ANO6: variants seen among roughly 807,000 people sequenced by gnomAD.
The protein encoded by ANO6 is anoctamin-6.
In ANO6, 106 loss-of-function variants were observed where a neutral mutation model predicts 117.5. The ratio of observed to expected loss-of-function variants is 0.90; its 90% CI spans 0.77 to 1.06. ANO6 has a LOEUF of 1.06. Among genes scored for constraint, ANO6 ranks in the 50% least tolerant of loss-of-function variants. The pLI is 0.00. For synonymous variants in ANO6, 367 were observed against 385.1 expected (o/e 0.95, Z 0.55); for missense variants, 955 against 1,121.1 (o/e 0.85, Z 2.12).
chr12:45,405,482 A>G (rs1414126466), intron 15 of ANO6, among the ~76,000 whole-genome samples: 2 of 152,224 alleles, frequency 1.3e-5, no homozygotes, highest in East Asian at 1.9e-4. Flanking sequence ...TTTGCCTTCA[A>G]ATTTCTCCCC....
intron 12 of ANO6, among the ~76,000 whole-genome samples, chr12:45,396,332 G>A (rs938410160): frequency 3.3e-5 from 5 of 152,080 alleles, no homozygotes; most frequent in South Asian, 2.1e-4. Flanking sequence ...ACTGCTCAAC[G>A]AAATAAAAGA....
chr12:45,217,940 T>C (rs1947341471), intron 1 of ANO6, among the ~76,000 whole-genome samples: 2 of 152,242 alleles, frequency 1.3e-5, no homozygotes, highest in Admixed American at 6.5e-5. Flanking sequence ...CAAGAGGCTC[T>C]GAGCTTTGTT....
At chr12:45,248,017 A>C (rs1200904016) in intron 1 of ANO6, among the ~76,000 whole-genome samples, 1 of 152,228 alleles carries the variant, frequency 6.6e-6, no homozygotes, top group Non-Finnish European at 1.5e-5. Context: ...ATATTGTCTC[A>C]TTTCTATGAG....
Position 45,431,287 on chromosome 12 carries a change from G to C in ANO6, c.*1976G>C. The C allele has an allele frequency of 1.0e-6, 1 of 985,380 alleles. No individual in the cohort carries two copies. The highest frequency in any genetic ancestry group is 1.2e-6 in the Non-Finnish European group (1 of 829,928). The allele number at this position is 985,380 out of a possible 1,614,324, so 61.0% of individuals were successfully genotyped here. ...TGCCACTGTTCCTCTCTTCACTCCT[G>C]AGATACTGCTTCTGGAAGCGGGTGT... On this transcript the variant is annotated 3_prime_UTR_variant, in exon 20 of 20. Transcript: ENST00000320560.
At chr12:45,308,539 C>T (rs1939750744) in intron 2 of ANO6, among the ~76,000 whole-genome samples, 1 of 152,028 alleles carries the variant, frequency 6.6e-6, no homozygotes, top group Non-Finnish European at 1.5e-5. Context: ...AATGGAATGT[C>T]ATTGCTGGCA....
chr12:45,440,045 A>T, exon 20 of ANO6: 1 of 1,151,930 alleles, frequency 8.7e-7, no homozygotes, highest in Non-Finnish European at 1.1e-6. Flanking sequence ...TAATATTCCA[A>T]TACTGGCATT....
chr12:45,216,369 G>GAC lies in ANO6; in HGVS notation c.48_49insAC (p.Asp17ThrfsTer58). The GAC allele has an allele frequency of 6.2e-7, 1 of 1,612,844 alleles. No homozygotes were observed. Among genetic ancestry groups the GAC allele is most frequent in the Non-Finnish European group, 8.5e-7 (1 of 1,179,428 alleles). On this transcript the variant is annotated frameshift_variant, in exon 1 of 20. Transcript: ENST00000320560. LOFTEE classifies it high-confidence loss of function. The stretch of plus-strand genomic sequence containing the variant: ...TTTTGCTACAAATGGAGGAGGAGGA[G>GAC]GACGACGACGATGGGGATATCGGTG...
intron 1 of ANO6, among the ~76,000 whole-genome samples, chr12:45,289,218 G>A (rs1452145258): frequency 7.0e-6 from 1 of 142,718 alleles, no homozygotes; most frequent in Admixed American, 7.4e-5. Flanking sequence ...CCAGGCTCAA[G>A]TGCAGGGGTG....
chr12:45,377,933 A>T (rs1942072207), intron 9 of ANO6, 120 bp from the exon 10 acceptor site: 2 of 902,478 alleles, frequency 2.2e-6, no homozygotes, highest in Non-Finnish European at 3.7e-6. Context: ...GATGATTGTT[A>T]AACTAGGCAT....
At chr12:45,270,520 C>A in intron 1 of ANO6, 1 of 1,165,852 alleles carries the variant, frequency 8.6e-7, no homozygotes, top group Non-Finnish European at 1.2e-6. Flanking sequence ...TCCCATCCAG[C>A]CTGGGTAAGA....
intron 12 of ANO6, among the ~76,000 whole-genome samples, chr12:45,395,995 A>C (rs1357800995): frequency 6.6e-6 from 1 of 152,212 alleles, no homozygotes; most frequent in Non-Finnish European, 1.5e-5. Flanking sequence ...TGGCCAGGGC[A>C]GTCAGGCAAG....
chr12:45,272,754 A>C (rs1938432041), intron 1 of ANO6, among the ~76,000 whole-genome samples: 1 of 152,210 alleles, frequency 6.6e-6, no homozygotes, highest in Non-Finnish European at 1.5e-5. Flanking sequence ...GATTCTAAAA[A>C]CAAAAATCAA....
chr12:45,395,775 T>C (rs1002556219), intron 12 of ANO6, among the ~76,000 whole-genome samples: 2 of 152,202 alleles, frequency 1.3e-5, no homozygotes, highest in Non-Finnish European at 2.9e-5. Context: ...GAAAAGGCCT[T>C]TGACAAAATT....
At chr12:45,322,221 A>G (rs1447293930) in intron 2 of ANO6, among the ~76,000 whole-genome samples, 3 of 152,096 alleles carry the variant, frequency 2.0e-5, no homozygotes, top group Admixed American at 6.6e-5. Flanking sequence ...CATGAACCCA[A>G]GTTGGTAGGA....
In ANO6 at chr12:45,227,063, A is replaced by T. The variant is rs138262231; in HGVS notation, c.70+10672A>T. On this transcript the variant is annotated intron_variant, in intron 1 of 19. Coordinates refer to ENST00000320560, the MANE Select transcript of ANO6 (RefSeq NM_001025356.3). The stretch of plus-strand genomic sequence containing the variant: ...GAGTGCAGTGGCACGATCTTGGCTC[A>T]CTGAAACCTCTGCCTCCTGGGTTCA... 9.9e-3 allele frequency among the ~76,000 whole-genome samples: 1,385 copies of T among 140,164 alleles called. 22 individuals are homozygous for T. The highest frequency in any genetic ancestry group is 0.035 in the African/African-American group (1,302 of 36,978). The allele number at this position is 140,164 out of a possible 152,430, so 92.0% of individuals were successfully genotyped here.
At chr12:45,272,066 G>A (rs947322140) in intron 1 of ANO6, among the ~76,000 whole-genome samples, 1 of 152,028 alleles carries the variant, frequency 6.6e-6, no homozygotes, top group Non-Finnish European at 1.5e-5. Flanking sequence ...TCAAGATAAA[G>A]CAAATCAATT....
At chr12:45,252,136 C>G (rs1203038876) in intron 1 of ANO6, among the ~76,000 whole-genome samples, 1 of 152,204 alleles carries the variant, frequency 6.6e-6, no homozygotes, top group Non-Finnish European at 1.5e-5. Flanking sequence ...TCAGCCATTT[C>G]ATTTCCAATA....
chr12:45,253,230 G>A (rs574915839), intron 1 of ANO6, among the ~76,000 whole-genome samples: 1 of 152,290 alleles, frequency 6.6e-6, no homozygotes, highest in East Asian at 1.9e-4. Context: ...GTCACTGGAA[G>A]AAAATGAGAA....
At chr12:45,317,113 G>GTGTGTGTATGTATATATATATATATA in intron 2 of ANO6, among the ~76,000 whole-genome samples, 1 of 66,448 alleles carries the variant, frequency 1.5e-5, no homozygotes, top group Non-Finnish European at 3.7e-5. Flanking sequence ...CTTTTTATAT[G>GTGTGTGTATGTATATATATATATATA]TATATATATA....
Sources: allele counts gnomAD v4.1 joint callset (sites outside exome capture counted in the v4.1 genomes callset), GRCh38; gene constraint gnomAD v4.1.1; transcripts MANE v1.5; gene names NCBI Gene and HGNC (gene_info 2026-07-23, HGNC 2026-07-21).